Variants in MAD1L1 observed in about 807,000 individuals in gnomAD.
The protein encoded by MAD1L1 is mitotic spindle assembly checkpoint protein MAD1.
MAD1L1 carries 95 observed loss-of-function variants against 96.9 expected under a neutral mutation model. The ratio of observed to expected loss-of-function variants is 0.98; its 90% CI spans 0.83 to 1.16. The LOEUF (loss-of-function observed/expected upper bound fraction) is 1.16, where lower values mean the gene tolerates loss of function less well. Among genes scored for constraint, MAD1L1 ranks in the 50% most tolerant of loss-of-function variants. The pLI is 0.00. For synonymous variants in MAD1L1, 473 were observed against 396.6 expected, an observed-to-expected ratio of 1.19 and a Z score of -2.29; for missense variants, 1,007 against 954.4, an observed-to-expected ratio of 1.06 and a Z score of -0.73.
At chr7:2,222,526 T>C in intron 5 of MAD1L1, 49 bp downstream of exon 5, 1 of 1,487,318 alleles carries the variant, frequency 6.7e-7, no homozygotes, top group East Asian at 2.4e-5. Context: ...GAGCATGCAC[T>C]CCCTCTCCTC....
intron 12 of MAD1L1, among the ~76,000 whole-genome samples, chr7:2,027,617 G>A (rs1016028884): frequency 2.6e-5 from 4 of 152,148 alleles, no homozygotes; most frequent in Non-Finnish European, 5.9e-5. Flanking sequence ...CTCAATATTT[G>A]CAGAAAAGGC....
intron 12 of MAD1L1, among the ~76,000 whole-genome samples, chr7:2,056,777 C>T (rs1430001978): frequency 6.6e-6 from 1 of 152,148 alleles, no homozygotes; most frequent in Admixed American, 6.5e-5. Context: ...GCCACAGAAA[C>T]CTACACAAGC....
chr7:2,209,407 A>C (rs888678570), intron 10 of MAD1L1, among the ~76,000 whole-genome samples: 1 of 152,214 alleles, frequency 6.6e-6, no homozygotes, highest in Admixed American at 6.5e-5. Context: ...CCTCAACGCC[A>C]GGAGCTCACA....
chr7:1,877,687 T>C (rs1785455248), intron 18 of MAD1L1, among the ~76,000 whole-genome samples: 1 of 152,106 alleles, frequency 6.6e-6, no homozygotes, highest in African/African-American at 2.4e-5. Flanking sequence ...AGATTAGAAA[T>C]ATAGATAGGT....
chr7:1,988,950 A>G (rs1031430154), intron 14 of MAD1L1, among the ~76,000 whole-genome samples: 2 of 152,234 alleles, frequency 1.3e-5, no homozygotes, highest in African/African-American at 4.8e-5. Context: ...CCTGATGCCC[A>G]GCAAGACTGA....
At position 2,217,988 on chromosome 7, in the gene MAD1L1, T is replaced by C. The variant is rs1214559355; in HGVS notation, c.652A>G (p.Arg218Gly). Reference sequence around the variant, plus strand: ...TTAATCTGCTGCTCGTGGTCTGCTCTTGCTTCTTGGCTGGCCTGGAGTTCC... The same window carrying C: ...TTAATCTGCTGCTCGTGGTCTGCTCCTGCTTCTTGGCTGGCCTGGAGTTCC... ...IQELQASQEA[R>G]ADHEQQIKDL... The change falls in exon 7 of 19, where the codon AGA (arginine) becomes GGA (glycine). Residue 218 changes from arginine to glycine, a missense_variant. Coordinates refer to ENST00000265854, the MANE Select transcript of MAD1L1 (RefSeq NM_001013836.2). The C allele has an allele frequency of 1.9e-6, 3 of 1,614,002 alleles. No homozygotes were observed. The highest frequency in any genetic ancestry group is 2.5e-6 in the Non-Finnish European group (3 of 1,179,950).
chr7:2,223,936 C>T (rs192841132), intron 4 of MAD1L1, among the ~76,000 whole-genome samples: 4 of 152,268 alleles, frequency 2.6e-5, no homozygotes, highest in Admixed American at 1.3e-4. Flanking sequence ...GCTGTGTCTG[C>T]GGGCAAGGAA....
intron 18 of MAD1L1, chr7:1,848,404 C>G (rs1783759775): frequency 6.5e-6 from 1 of 153,588 alleles, no homozygotes; most frequent in African/African-American, 2.4e-5. Context: ...CATTTGAATA[C>G]TGGTGGAAAT....
At chr7:1,841,843 C>T (rs999720602) in intron 18 of MAD1L1, among the ~76,000 whole-genome samples, 7 of 152,232 alleles carry the variant, frequency 4.6e-5, no homozygotes, top group South Asian at 2.1e-4. Context: ...CTTCTGCCCT[C>T]GCATGAGTCT....
chr7:2,100,744 C>T (rs1362831144), intron 11 of MAD1L1, among the ~76,000 whole-genome samples: 2 of 152,256 alleles, frequency 1.3e-5, no homozygotes, highest in Non-Finnish European at 2.9e-5. Flanking sequence ...GCAGCTCATT[C>T]TGTTTTTATC....
At chr7:2,138,723 C>G (rs1448819137) in intron 11 of MAD1L1, among the ~76,000 whole-genome samples, 3 of 152,152 alleles carry the variant, frequency 2.0e-5, no homozygotes, top group African/African-American at 7.2e-5. Context: ...CCCAGGCAGG[C>G]TGCACATACC....
At chr7:2,174,201 G>A (rs1790843870) in intron 10 of MAD1L1, among the ~76,000 whole-genome samples, 2 of 152,178 alleles carry the variant, frequency 1.3e-5, no homozygotes, top group South Asian at 4.1e-4. Context: ...TAGTTTCACT[G>A]GGTATAGAAT....
At chr7:2,056,013 T>A (rs1784374204) in intron 12 of MAD1L1, among the ~76,000 whole-genome samples, 1 of 152,082 alleles carries the variant, frequency 6.6e-6, no homozygotes, top group South Asian at 2.1e-4. Context: ...AAAACACAAA[T>A]CTAGCATCAA....
intron 11 of MAD1L1, among the ~76,000 whole-genome samples, chr7:2,111,176 C>T (rs1787360443): frequency 6.6e-6 from 1 of 152,306 alleles, no homozygotes; most frequent in African/African-American, 2.4e-5. Flanking sequence ...ACCGAGCGTC[C>T]ACTGTGCCCG....
intron 18 of MAD1L1, among the ~76,000 whole-genome samples, chr7:1,842,147 G>C (rs1783299840): frequency 6.6e-6 from 1 of 152,162 alleles, no homozygotes; most frequent in Admixed American, 6.5e-5. Flanking sequence ...TGAGTTTATG[G>C]CTTTGTAGAT....
Position 1,966,664 on chromosome 7 carries a change from A to C in MAD1L1, c.1506-8945T>G, listed in dbSNP as rs150591123. Reference sequence around the variant, plus strand: ...ATCCACACCCAGACACATCCAAACGAAACTGCTGAAAACTGAAGGCAAAAA... The same window carrying C: ...ATCCACACCCAGACACATCCAAACGCAACTGCTGAAAACTGAAGGCAAAAA... On this transcript the variant is annotated intron_variant, in intron 15 of 18. Coordinates refer to ENST00000265854, the MANE Select transcript of MAD1L1 (RefSeq NM_001013836.2). Among the ~76,000 whole-genome samples the C allele has an allele frequency of 2.7e-3, 407 of 152,272 alleles. 1 individual carries two copies. Among genetic ancestry groups the C allele is most frequent in the Non-Finnish European group, 5.1e-3 (347 of 68,022 alleles).
chr7:2,049,342 C>T (rs1784065106), intron 12 of MAD1L1, among the ~76,000 whole-genome samples: 1 of 152,222 alleles, frequency 6.6e-6, no homozygotes. Context: ...TCCCGGTGCC[C>T]CGCCCAGGGT....
At chr7:2,090,109 A>G (rs983718456) in intron 11 of MAD1L1, among the ~76,000 whole-genome samples, 1 of 152,216 alleles carries the variant, frequency 6.6e-6, no homozygotes, top group Non-Finnish European at 1.5e-5. Flanking sequence ...GAAGTCATTC[A>G]CCGCCAGGGA....
At position 2,223,136 on chromosome 7, in the gene MAD1L1, T is replaced by C. The variant is rs112615394; in HGVS notation, c.292-382A>G. Among the ~76,000 whole-genome samples, 731 of 152,232 alleles carry C rather than the reference T, an allele frequency of 4.8e-3. 3 individuals carry two copies. Among genetic ancestry groups the C allele is most frequent in the African/African-American group, 0.012 (512 of 41,518 alleles). ...ATAGCACCAGCAAATCCTGTCTAATTACGCTCTGTCCGGCACTGAAAGGAG... is the reference window on the plus strand; with the variant it reads ...ATAGCACCAGCAAATCCTGTCTAATCACGCTCTGTCCGGCACTGAAAGGAG... On this transcript the variant is annotated intron_variant, in intron 4 of 18. Transcript: ENST00000265854.
Sources: gnomAD v4.1 joint callset for allele counts (sites outside exome capture counted in the v4.1 genomes callset) on GRCh38, gnomAD v4.1.1 for gene constraint, MANE v1.5 for transcripts, NCBI Gene and HGNC (gene_info 2026-07-23, HGNC 2026-07-21) for gene names.